Variants in UNC13C observed in about 807,000 individuals in gnomAD.
UNC13C encodes the protein protein unc-13 homolog C.
UNC13C carries 174 observed loss-of-function variants against 245.4 expected under a neutral mutation model. The ratio of observed to expected loss-of-function variants is 0.71; its 90% CI spans 0.63 to 0.80. The LOEUF is 0.80. UNC13C is among the 30% of genes least tolerant of loss of function. UNC13C has a pLI of 0.00. For missense variants in UNC13C, 2,829 were observed against 2,602.9 expected (o/e 1.09, Z -1.89); for synonymous variants, 992 against 895.1 (o/e 1.11, Z -1.93).
chr15:54,105,074 G>T (rs1035262364), intron 2 of UNC13C, among the ~76,000 whole-genome samples: 1 of 152,162 alleles, frequency 6.6e-6, no homozygotes, highest in Non-Finnish European at 1.5e-5. Context: ...TGCTCCTATG[G>T]TTTCTGGGAG....
chr15:54,206,212 T>G (rs2034702677), intron 4 of UNC13C, among the ~76,000 whole-genome samples: 1 of 152,106 alleles, frequency 6.6e-6, no homozygotes, highest in Non-Finnish European at 1.5e-5. Flanking sequence ...TTTTTCTTTT[T>G]GTCCTGTAAC....
intron 24 of UNC13C, among the ~76,000 whole-genome samples, chr15:54,524,199 T>A (rs553676198): frequency 6.7e-6 from 1 of 149,774 alleles, no homozygotes; most frequent in African/African-American, 2.6e-5. Flanking sequence ...GATATGTTAA[T>A]TTTCTCACTC....
the UNC13C span, among the ~76,000 whole-genome samples, chr15:53,928,028 G>T: frequency 6.6e-6 from 1 of 152,146 alleles, no homozygotes; most frequent in Non-Finnish European, 1.5e-5. Flanking sequence ...GATAAAGGAC[G>T]TCTACATGTT....
the UNC13C span, among the ~76,000 whole-genome samples, chr15:53,964,063 T>A: frequency 8.7e-4 from 132 of 152,276 alleles, no homozygotes; most frequent in African/African-American, 3.1e-3. Flanking sequence ...CCCATTTTTT[T>A]TTTCCAGCTT....
At chr15:53,912,362 A>C in the UNC13C span, 1 of 152,400 alleles carries the variant, frequency 6.6e-6, no homozygotes, top group African/African-American at 2.4e-5. Context: ...TGGAGGCTAT[A>C]TGAGGAGCTG....
the UNC13C span, among the ~76,000 whole-genome samples, chr15:53,891,221 T>TGA: frequency 6.6e-6 from 1 of 152,240 alleles, no homozygotes; most frequent in Non-Finnish European, 1.5e-5. Context: ...CACTGTGTTC[T>TGA]GAGAGACTGT....
At chr15:54,597,463 C>A (rs1473490495) in intron 30 of UNC13C, among the ~76,000 whole-genome samples, 12 of 152,104 alleles carry the variant, frequency 7.9e-5, no homozygotes, top group Non-Finnish European at 1.3e-4. Flanking sequence ...TTTTACTTAG[C>A]CCAGGGTCTG....
intron 19 of UNC13C, among the ~76,000 whole-genome samples, chr15:54,429,760 C>G (rs1367450636): frequency 6.6e-6 from 1 of 151,436 alleles, no homozygotes; most frequent in Non-Finnish European, 1.5e-5. Flanking sequence ...AGTGTAATGA[C>G]AGCATTGCCA....
At chr15:54,005,849 C>G (rs540539401) in intron 1 of UNC13C, among the ~76,000 whole-genome samples, 1 of 151,934 alleles carries the variant, frequency 6.6e-6, no homozygotes, top group Non-Finnish European at 1.5e-5. Context: ...AGAGGGTATA[C>G]AATCATTCAT....
chr15:54,034,490 G>A (rs1285165097), intron 2 of UNC13C, among the ~76,000 whole-genome samples: 1 of 151,980 alleles, frequency 6.6e-6, no homozygotes, highest in Non-Finnish European at 1.5e-5. Flanking sequence ...AGGCACCTAG[G>A]TTAATACAAG....
intron 19 of UNC13C, among the ~76,000 whole-genome samples, chr15:54,436,228 T>C (rs911586930): frequency 2.0e-5 from 3 of 151,982 alleles, no homozygotes; most frequent in African/African-American, 7.2e-5. Flanking sequence ...ATGACTAAAA[T>C]ATTATGAGCA....
chr15:54,257,117 G>T (rs2414289), intron 8 of UNC13C, among the ~76,000 whole-genome samples: 41,976 of 152,084 alleles, frequency 0.28, 6,046 homozygotes, highest in African/African-American at 0.34. Flanking sequence ...GAAATTTTTG[G>T]TGTTTAATTT....
At position 54,395,042 on chromosome 15, in the gene UNC13C, T is replaced by A. The variant is rs938968691; in HGVS notation, c.4847+1861T>A. On this transcript the variant is annotated intron_variant, in intron 18 of 32. Coordinates refer to ENST00000260323, the MANE Select transcript of UNC13C (RefSeq NM_001080534.3). The stretch of plus-strand genomic sequence containing the variant: ...TTTTAATGTCAGAGTTTAAGTCCAC[T>A]TTTTTCCTTTGGAAACCTGTCCCTG... Among the ~76,000 whole-genome samples the A allele has an allele frequency of 2.2e-3, 328 of 151,958 alleles. 1 individual carries two copies. The highest frequency in any genetic ancestry group is 3.8e-3 in the Non-Finnish European group (261 of 67,802).
chr15:54,521,555 GAAT>G (rs1206566537), intron 24 of UNC13C, among the ~76,000 whole-genome samples: 2 of 152,160 alleles, frequency 1.3e-5, no homozygotes, highest in Non-Finnish European at 2.9e-5. Flanking sequence ...TGCTGTAAGA[GAAT>G]ATATAACATG....
chr15:54,544,638 T>G (rs1158278507), intron 26 of UNC13C, among the ~76,000 whole-genome samples: 2 of 152,106 alleles, frequency 1.3e-5, no homozygotes, highest in African/African-American at 4.8e-5. Flanking sequence ...TCACTAGCAT[T>G]CCTATACACC....
intron 4 of UNC13C, among the ~76,000 whole-genome samples, chr15:54,166,539 A>G (rs1194099447): frequency 6.6e-6 from 1 of 152,118 alleles, no homozygotes; most frequent in Non-Finnish European, 1.5e-5. Flanking sequence ...GAAAAATGGC[A>G]CAAAGATTGG....
the UNC13C span, among the ~76,000 whole-genome samples, chr15:53,964,047 T>G: frequency 6.6e-6 from 1 of 152,158 alleles, no homozygotes; most frequent in Non-Finnish European, 1.5e-5. Flanking sequence ...AAAGAAATGG[T>G]CTTTACCCAT....
intron 30 of UNC13C, among the ~76,000 whole-genome samples, chr15:54,595,676 A>G (rs1277676116): frequency 6.6e-6 from 1 of 152,234 alleles, no homozygotes; most frequent in Non-Finnish European, 1.5e-5. Flanking sequence ...TTATTTTGCC[A>G]CTAAAACTAC....
At chr15:54,042,669 G>T (rs887559271) in intron 2 of UNC13C, among the ~76,000 whole-genome samples, 5 of 151,994 alleles carry the variant, frequency 3.3e-5, no homozygotes, top group African/African-American at 1.2e-4. Context: ...CTGGCTAACA[G>T]GGTGAAACCC....
Sources: gnomAD v4.1 joint callset for allele counts (sites outside exome capture counted in the v4.1 genomes callset) on GRCh38, gnomAD v4.1.1 for gene constraint, MANE v1.5 for transcripts, NCBI Gene and HGNC (gene_info 2026-07-23, HGNC 2026-07-21) for gene names.